Variants in MSRA observed in about 807,000 individuals in gnomAD.
MSRA encodes mitochondrial peptide methionine sulfoxide reductase.
MSRA carries 54 observed loss-of-function variants against 31.3 expected under a neutral mutation model. The observed-to-expected ratio is 1.73, with a 90% CI of 1.39 to 2.17. The LOEUF is 2.17. MSRA is among the 30% of genes most tolerant of loss of function. The pLI is 0.00. For missense variants in MSRA, 507 were observed against 300.9 expected, an observed-to-expected ratio of 1.69 and a Z score of -5.07; for synonymous variants, 169 against 116.5, an observed-to-expected ratio of 1.45 and a Z score of -2.90.
intron 2 of MSRA, among the ~76,000 whole-genome samples, chr8:10,210,821 C>A (rs761532730): frequency 4.6e-5 from 7 of 151,728 alleles, no homozygotes; most frequent in Non-Finnish European, 7.4e-5. Context: ...GCAACCTCCA[C>A]TTCCCGAGTT....
chr8:10,279,235 T>G (rs1799488593), intron 3 of MSRA, among the ~76,000 whole-genome samples: 1 of 152,224 alleles, frequency 6.6e-6, no homozygotes, highest in African/African-American at 2.4e-5. Flanking sequence ...ATTGCGTGTC[T>G]TCCATGTAGC....
intron 1 of MSRA, among the ~76,000 whole-genome samples, chr8:10,083,661 A>C (rs1165720320): frequency 6.6e-6 from 1 of 152,198 alleles, no homozygotes; most frequent in Non-Finnish European, 1.5e-5. Context: ...TAAACTATGC[A>C]GAGGAAATTT....
chr8:10,091,071 T>C (rs548528316), intron 1 of MSRA, among the ~76,000 whole-genome samples: 16 of 152,346 alleles, frequency 1.1e-4, no homozygotes, highest in African/African-American at 3.8e-4. Flanking sequence ...ATTAATATGG[T>C]ATTTTACATT....
intron 5 of MSRA, among the ~76,000 whole-genome samples, chr8:10,387,926 A>G (rs921297078): frequency 8.5e-5 from 13 of 152,194 alleles, no homozygotes; most frequent in African/African-American, 2.7e-4. Flanking sequence ...CTGTAATTCA[A>G]AAATGCTTGG....
chr8:10,102,236 T>C (rs368657548), intron 1 of MSRA, among the ~76,000 whole-genome samples: 2 of 152,362 alleles, frequency 1.3e-5, no homozygotes, highest in South Asian at 4.1e-4. Flanking sequence ...AGGTGTGCCC[T>C]CTTTCTCCTT....
chr8:10,348,726 T>C (rs1233478609), intron 5 of MSRA, among the ~76,000 whole-genome samples: 1 of 152,116 alleles, frequency 6.6e-6, no homozygotes, highest in East Asian at 1.9e-4. Context: ...AATATTTATC[T>C]CCTTACTCAT....
At chr8:10,124,206 T>C (rs1021113001) in intron 1 of MSRA, among the ~76,000 whole-genome samples, 2 of 152,060 alleles carry the variant, frequency 1.3e-5, no homozygotes, top group African/African-American at 4.8e-5. Flanking sequence ...ACTGCCAAGA[T>C]TTGTGATAGA....
chr8:10,060,434 G>C (rs977232322), intron 1 of MSRA, among the ~76,000 whole-genome samples: 1 of 152,186 alleles, frequency 6.6e-6, no homozygotes, highest in South Asian at 2.1e-4. Flanking sequence ...ACTTTGAAAG[G>C]ATAGCTAAGA....
rs114428641 is a variant in MSRA, at chr8:10,294,088, C to T, written c.332-7446C>T. ...GCATGGTGGCATGCACCTATAATCT[C>T]AGCTACTTAGGAGGCTGAGGCAGAA... On this transcript the variant is annotated intron_variant, in intron 3 of 5. Transcript: ENST00000317173. Among the ~76,000 whole-genome samples, 1,379 of 152,280 alleles carry T rather than the reference C, an allele frequency of 9.1e-3. 9 individuals are homozygous for T. Among genetic ancestry groups the T allele is most frequent in the African/African-American group, 0.029 (1,221 of 41,556 alleles).
At chr8:10,214,828 T>C (rs983560744) in intron 2 of MSRA, among the ~76,000 whole-genome samples, 3 of 152,226 alleles carry the variant, frequency 2.0e-5, no homozygotes, top group Non-Finnish European at 4.4e-5. Context: ...TAAGATGCAT[T>C]TTATTTTATA....
chr8:10,408,566 G>C (rs1035733454), intron 5 of MSRA, among the ~76,000 whole-genome samples: 1 of 152,096 alleles, frequency 6.6e-6, no homozygotes, highest in Non-Finnish European at 1.5e-5. Flanking sequence ...AGAGGAGTAG[G>C]TAATAAAAAA....
intron 5 of MSRA, among the ~76,000 whole-genome samples, chr8:10,414,649 G>C (rs1453316967): frequency 6.6e-6 from 1 of 152,220 alleles, no homozygotes; most frequent in East Asian, 1.9e-4. Flanking sequence ...AGTGCTCTAA[G>C]CTTAAGCATC....
intron 3 of MSRA, among the ~76,000 whole-genome samples, chr8:10,288,953 T>C (rs1193626491): frequency 1.3e-5 from 2 of 151,932 alleles, no homozygotes; most frequent in Non-Finnish European, 2.9e-5. Context: ...GTGTTTGAAG[T>C]GGTGAGCTTC....
intron 2 of MSRA, among the ~76,000 whole-genome samples, chr8:10,227,955 G>A (rs1317946208): frequency 6.6e-6 from 1 of 152,022 alleles, no homozygotes; most frequent in Non-Finnish European, 1.5e-5. Flanking sequence ...TACATTTTTT[G>A]CCACGTATTC....
intron 1 of MSRA, among the ~76,000 whole-genome samples, chr8:10,204,953 A>C (rs905732049): frequency 6.6e-6 from 1 of 152,206 alleles, no homozygotes; most frequent in South Asian, 2.1e-4. Context: ...GCATAAGTGC[A>C]AAGTGCTACT....
At chr8:10,129,639 C>G (rs1219951181) in intron 1 of MSRA, among the ~76,000 whole-genome samples, 1 of 152,084 alleles carries the variant, frequency 6.6e-6, no homozygotes, top group Non-Finnish European at 1.5e-5. Context: ...CTGTGCAGAT[C>G]AGAAGGGGTG....
intron 4 of MSRA, among the ~76,000 whole-genome samples, chr8:10,315,373 G>A (rs1310162429): frequency 6.6e-6 from 1 of 152,192 alleles, no homozygotes; most frequent in African/African-American, 2.4e-5. Context: ...CATCAATAGA[G>A]ACACATGGAA....
chr8:10,093,808 T>C (rs1466381002), intron 1 of MSRA, among the ~76,000 whole-genome samples: 3 of 152,242 alleles, frequency 2.0e-5, no homozygotes, highest in African/African-American at 7.2e-5. Context: ...GCAGGTCTGC[T>C]AGTAATGAAC....
At chr8:10,199,038 A>G (rs2129056454) in intron 1 of MSRA, among the ~76,000 whole-genome samples, 1 of 152,292 alleles carries the variant, frequency 6.6e-6, no homozygotes, top group East Asian at 1.9e-4. Context: ...TTGTGTATTT[A>G]TATAATTAAC....
Sources: allele counts gnomAD v4.1 joint callset (sites outside exome capture counted in the v4.1 genomes callset), GRCh38; gene constraint gnomAD v4.1.1; transcripts MANE v1.5; gene names NCBI Gene and HGNC (gene_info 2026-07-23, HGNC 2026-07-21).